PPP1R16B: variants seen among roughly 807,000 people sequenced by gnomAD.
The protein encoded by PPP1R16B is protein phosphatase 1 regulatory subunit 16B.
In PPP1R16B, 14 loss-of-function variants were observed where a neutral mutation model predicts 61.7. The observed-to-expected ratio is 0.23, with a 90% CI of 0.15 to 0.35. The LOEUF (loss-of-function observed/expected upper bound fraction) is 0.35, where lower values mean the gene tolerates loss of function less well. PPP1R16B is among the 10% of genes least tolerant of loss of function. PPP1R16B has a pLI of 1.00. For synonymous variants in PPP1R16B, 266 were observed against 305.3 expected (o/e 0.87, Z 1.34); for missense variants, 547 against 752.5 (o/e 0.73, Z 3.19).
At chr20:38,885,777 A>G (rs1440945242) in intron 2 of PPP1R16B, among the ~76,000 whole-genome samples, 2 of 152,160 alleles carry the variant, frequency 1.3e-5, no homozygotes, top group Non-Finnish European at 2.9e-5. Context: ...ATTTTTATTT[A>G]TTTATATATA....
chr20:38,850,536 G>A (rs2084961463), intron 2 of PPP1R16B, among the ~76,000 whole-genome samples: 1 of 152,150 alleles, frequency 6.6e-6, no homozygotes, highest in Admixed American at 6.5e-5. Context: ...TTCTGATGAT[G>A]GAAATGTGCT....
chr20:38,902,760 C>T lies in PPP1R16B; in HGVS notation c.664C>T (p.Leu222=). The T allele has an allele frequency of 6.2e-7, 1 of 1,614,230 alleles. No individual in the cohort carries two copies. Among genetic ancestry groups the T allele is most frequent in the Non-Finnish European group, 8.5e-7 (1 of 1,180,038 alleles). ...CTGCATGATCGCAGCGGGCCAGGAC[C>T]TGGACTGGATAGATGCCCAGGGTGC... ...IHCMIAAGQD[L]DWIDAQGATL... is the part of the protein sequence containing the mutation. The change falls in exon 6 of 11, where the codon CTG becomes TTG. Residue 222 remains leucine, a synonymous_variant. Coordinates refer to ENST00000299824, the MANE Select transcript of PPP1R16B (RefSeq NM_015568.4).
rs1335090652 is a variant in PPP1R16B at position 38,813,764 on chromosome 20, CATCATT to C, written c.-102+7975_-102+7980del. Among the ~76,000 whole-genome samples, 596 of 132,698 alleles carry C rather than the reference CATCATT, an allele frequency of 4.5e-3. 1 individual carries two copies. The highest frequency in any genetic ancestry group is 8.5e-3 in the Admixed American group (108 of 12,634). The allele number at this position is 132,698 out of a possible 152,430, so 87.1% of individuals were successfully genotyped here. A position where few individuals can be genotyped will look rare whatever the true frequency, so the allele number is the denominator to read the frequency against. On this transcript the variant is annotated intron_variant, in intron 1 of 10. Transcript: ENST00000299824. The stretch of plus-strand genomic sequence containing the variant: ...CTCTAAGGGGTGACATCATCATCAT[CATCATT>C]ATTATTATTATTATTATTATTATTA...
chr20:38,817,376 A>G (rs1299548609), intron 1 of PPP1R16B, among the ~76,000 whole-genome samples: 2 of 152,006 alleles, frequency 1.3e-5, no homozygotes, highest in African/African-American at 4.8e-5. Context: ...CGGCCTAGCC[A>G]ACATGGTGAA....
rs1394359470 is a variant in PPP1R16B, at chr20:38,918,843, C to T, written c.*177C>T. The T allele has an allele frequency of 1.4e-5, 10 of 736,116 alleles. No homozygotes were observed. The highest frequency in any genetic ancestry group is 7.9e-5 in the South Asian group (2 of 25,174). The allele number at this position is 736,116 out of a possible 1,614,324, so 45.6% of individuals were successfully genotyped here. A position where few individuals can be genotyped will look rare whatever the true frequency, so the allele number is the denominator to read the frequency against. ...CCATAGCATCCCATGTCCCACGTCC[C>T]GTGGTTCTGCTTCCTGCTGCATCGT... is the stretch of plus-strand genomic sequence containing the variant. On this transcript the variant is annotated 3_prime_UTR_variant, in exon 11 of 11. Coordinates refer to ENST00000299824, the MANE Select transcript of PPP1R16B (RefSeq NM_015568.4). The surrounding 1 kb of genome is among the most constrained non-coding windows in gnomAD (Gnocchi z 5.3).
intron 1 of PPP1R16B, among the ~76,000 whole-genome samples, chr20:38,813,099 T>C (rs936824865): frequency 6.6e-6 from 1 of 152,192 alleles, no homozygotes; most frequent in East Asian, 1.9e-4. Flanking sequence ...ATGCAGCCTG[T>C]TGTGCCTGTT....
rs144118899 is a variant in PPP1R16B at position 38,922,740 on chromosome 20, C to A, written c.*4074C>A. 3 of 152,770 alleles carry A rather than the reference C, an allele frequency of 2.0e-5. No homozygotes were observed. In the East Asian group the frequency reaches 5.8e-4, roughly 29 times the overall value. The allele number at this position is 152,770 out of a possible 1,614,324, so 9.5% of individuals were successfully genotyped here. A position where few individuals can be genotyped will look rare whatever the true frequency, so the allele number is the denominator to read the frequency against. On this transcript the variant is annotated 3_prime_UTR_variant, in exon 11 of 11. Coordinates refer to ENST00000299824, the MANE Select transcript of PPP1R16B (RefSeq NM_015568.4). ...TTTTATGTGAAAAAAAATTAAAACT[C>A]TGTATACTGTATCAGCAGCTTTGTG...
intron 2 of PPP1R16B, among the ~76,000 whole-genome samples, chr20:38,888,884 C>G (rs1028142267): frequency 7.7e-6 from 1 of 129,958 alleles, no homozygotes; most frequent in African/African-American, 2.8e-5. Flanking sequence ...TGAACACACA[C>G]ACACACACAC....
chr20:38,906,117 T>C, intron 7 of PPP1R16B, 23 bp downstream of exon 7: 1 of 1,608,102 alleles, frequency 6.2e-7, no homozygotes, highest in South Asian at 1.1e-5. Flanking sequence ...CACAGGGCTG[T>C]GGGGGAGGCC....
intron 5 of PPP1R16B, among the ~76,000 whole-genome samples, chr20:38,901,436 G>A (rs1601304326): frequency 6.6e-6 from 1 of 152,172 alleles, no homozygotes; most frequent in Admixed American, 6.5e-5. Flanking sequence ...TTGAGATGGA[G>A]TCTTGCTGTG....
intron 3 of PPP1R16B, among the ~76,000 whole-genome samples, chr20:38,890,195 C>T (rs1225171667): frequency 6.6e-5 from 10 of 152,224 alleles, no homozygotes; most frequent in African/African-American, 1.9e-4. Flanking sequence ...GCTACAGCCT[C>T]GTAACTGGTC....
At chr20:38,845,281 T>C (rs775965468) in intron 2 of PPP1R16B, among the ~76,000 whole-genome samples, 59 of 152,016 alleles carry the variant, frequency 3.9e-4, no homozygotes, top group Non-Finnish European at 7.4e-4. Flanking sequence ...TTTGTGTACA[T>C]TTAAAAAACA....
chr20:38,881,328 C>T (rs892285065), intron 2 of PPP1R16B, among the ~76,000 whole-genome samples: 4 of 152,360 alleles, frequency 2.6e-5, no homozygotes, highest in African/African-American at 7.2e-5. Context: ...TTTTTGGAAG[C>T]GCAGTGCCTT....
In PPP1R16B at chr20:38,921,228, G is replaced by C. The variant is rs544781155; in HGVS notation, c.*2562G>C. 6.6e-6 allele frequency: 1 copy of C among 152,278 alleles called. No homozygotes were observed. Among genetic ancestry groups the C allele is most frequent in the Non-Finnish European group, 1.5e-5 (1 of 68,016 alleles). 9.4% of individuals were successfully genotyped at this position (152,278 alleles called of 1,614,324 possible). A position where few individuals can be genotyped will look rare whatever the true frequency, so the allele number is the denominator to read the frequency against. On this transcript the variant is annotated 3_prime_UTR_variant, in exon 11 of 11. Transcript: ENST00000299824. ...CCCTTCTTGGGGCTTTAAGTCCCTG[G>C]GGAGCTTTCCCTGTAGGTCTCCTGG...
intron 1 of PPP1R16B, among the ~76,000 whole-genome samples, chr20:38,830,387 A>G (rs1446083768): frequency 6.6e-6 from 1 of 152,260 alleles, no homozygotes; most frequent in Admixed American, 6.5e-5. Flanking sequence ...TTTCCCAAAT[A>G]TCAGTCACTT....
At chr20:38,831,759 G>C (rs1184174112) in intron 1 of PPP1R16B, among the ~76,000 whole-genome samples, 1 of 152,240 alleles carries the variant, frequency 6.6e-6, no homozygotes, top group Admixed American at 6.5e-5. Flanking sequence ...GTAAATGTCA[G>C]CAATGAATTA....
intron 2 of PPP1R16B, among the ~76,000 whole-genome samples, chr20:38,883,837 C>T (rs939812774): frequency 1.3e-5 from 2 of 152,160 alleles, no homozygotes; most frequent in Non-Finnish European, 2.9e-5. Flanking sequence ...AGGGCCTTGT[C>T]TTCCTTAACC....
intron 2 of PPP1R16B, among the ~76,000 whole-genome samples, chr20:38,865,725 C>T (rs368930776): frequency 6.6e-6 from 1 of 152,202 alleles, no homozygotes; most frequent in African/African-American, 2.4e-5. Context: ...CAGTAGGTGG[C>T]AGGGCCGGAT....
At chr20:38,880,404 C>T (rs1413150959) in intron 2 of PPP1R16B, among the ~76,000 whole-genome samples, 2 of 152,160 alleles carry the variant, frequency 1.3e-5, no homozygotes, top group Non-Finnish European at 2.9e-5. Flanking sequence ...TGGTGGCTCA[C>T]GCTTGTAATC....
Sources: allele counts gnomAD v4.1 joint callset (sites outside exome capture counted in the v4.1 genomes callset), GRCh38; gene constraint gnomAD v4.1.1; non-coding constraint Gnocchi (gnomAD v3.1); transcripts MANE v1.5; gene names NCBI Gene and HGNC (gene_info 2026-07-23, HGNC 2026-07-21).